Variants in THSD7A observed in about 807,000 individuals in gnomAD.
The protein encoded by THSD7A is thrombospondin type 1 domain containing 7A, also known as thrombospondin type-1 domain-containing protein 7A.
Under a neutral mutation model 231.3 loss-of-function variants are expected in THSD7A, and 96 were observed. The observed-to-expected ratio is 0.41, with a 90% confidence interval of 0.35 to 0.49. The LOEUF (loss-of-function observed/expected upper bound fraction) is 0.49, where lower values mean the gene tolerates loss of function less well. Ranked by LOEUF, THSD7A falls within the 20% of genes least tolerant of loss-of-function variation. The pLI is 0.05. For missense variants in THSD7A, 2,290 were observed against 2,070.2 expected, an observed-to-expected ratio of 1.11 and a Z score of -2.06; for synonymous variants, 940 against 743.3, an observed-to-expected ratio of 1.26 and a Z score of -4.30.
At chr7:11,659,107 C>T (rs917526649) in intron 1 of THSD7A, among the ~76,000 whole-genome samples, 4 of 151,670 alleles carry the variant, frequency 2.6e-5, no homozygotes, top group African/African-American at 9.7e-5. Flanking sequence ...CCAGTTATTA[C>T]TCATTTGTCA....
chr7:11,502,959 T>C (rs1319237268), intron 6 of THSD7A, among the ~76,000 whole-genome samples: 1 of 151,976 alleles, frequency 6.6e-6, no homozygotes, highest in East Asian at 1.9e-4. Flanking sequence ...CTAGAAAAAA[T>C]TATTTTAAAA....
intron 15 of THSD7A, among the ~76,000 whole-genome samples, chr7:11,425,927 G>A (rs1189993103): frequency 1.3e-5 from 2 of 151,996 alleles, no homozygotes; most frequent in Non-Finnish European, 2.9e-5. Context: ...GAATAAAGTG[G>A]ACCTGTCTCA....
chr7:11,612,483 A>G (rs939457612), intron 2 of THSD7A, among the ~76,000 whole-genome samples: 1 of 152,244 alleles, frequency 6.6e-6, no homozygotes, highest in African/African-American at 2.4e-5. Flanking sequence ...AATCTGTCAC[A>G]CATGTGACCA....
Position 11,401,965 on chromosome 7 carries a change from T to G in THSD7A, c.4241A>C (p.Asp1414Ala). ...GGAAGACCAGTCCTTCAAATAACAG[T>G]CACCTGTAAAACACATATTTGTAAT... Reference protein sequence around the residue: ...EESCSQPCPGDCYLKDWSSWS... With the variant: ...EESCSQPCPGACYLKDWSSWS... Residue 1414 changes from aspartate to alanine, a missense_variant, in exon 23 of 28, where the codon GAC becomes GCC. Physicochemically the swap from Asp to Ala is moderately radical, Grantham distance 126 (BLOSUM62 -2). Transcript: ENST00000423059. The G allele has an allele frequency of 6.2e-7, 1 of 1,612,342 alleles. No individual in the cohort carries two copies. The highest frequency in any genetic ancestry group is 1.1e-5 in the South Asian group (1 of 90,736).
At chr7:11,516,357 G>T (rs189195279) in intron 6 of THSD7A, among the ~76,000 whole-genome samples, 3 of 152,242 alleles carry the variant, frequency 2.0e-5, no homozygotes, top group Non-Finnish European at 2.9e-5. Flanking sequence ...GCTAATGTCC[G>T]TGTACCCGAG....
At chr7:11,769,153 A>ATATATATATATATATATTT in intron 1 of THSD7A, among the ~76,000 whole-genome samples, 1 of 27,650 alleles carries the variant, frequency 3.6e-5, no homozygotes, top group African/African-American at 1.2e-4. Flanking sequence ...ATATATATAT[A>ATATATATATATATATATTT]TTTTTTTTTT....
At chr7:11,683,453 A>G (rs1783945729) in intron 1 of THSD7A, among the ~76,000 whole-genome samples, 1 of 152,004 alleles carries the variant, frequency 6.6e-6, no homozygotes, top group Non-Finnish European at 1.5e-5. Flanking sequence ...TTTTCTGAAA[A>G]GATAAACAAG....
chr7:11,809,574 A>T (rs1784477440), intron 1 of THSD7A, among the ~76,000 whole-genome samples: 1 of 152,118 alleles, frequency 6.6e-6, no homozygotes, highest in Admixed American at 6.5e-5. Context: ...GAATGTATGA[A>T]ATTTTATTTT....
At chr7:11,807,432 G>A (rs901554219) in intron 1 of THSD7A, among the ~76,000 whole-genome samples, 11 of 152,042 alleles carry the variant, frequency 7.2e-5, no homozygotes, top group Admixed American at 7.2e-4. Flanking sequence ...AATTATTTTT[G>A]TAGTATTAAT....
chr7:11,660,097 T>C (rs1247894879), intron 1 of THSD7A, among the ~76,000 whole-genome samples: 1 of 151,590 alleles, frequency 6.6e-6, no homozygotes, highest in African/African-American at 2.4e-5. Context: ...TGGAAACACA[T>C]ATGCTTCTAG....
intron 4 of THSD7A, among the ~76,000 whole-genome samples, chr7:11,563,197 T>TAA (rs11392778): frequency 6.6e-6 from 1 of 151,408 alleles, no homozygotes; most frequent in African/African-American, 2.4e-5. Context: ...CCATCATACT[T>TAA]AAAAAAAATT....
chr7:11,591,156 A>AT (rs59544271), intron 3 of THSD7A, among the ~76,000 whole-genome samples: 107,110 of 142,676 alleles, frequency 0.75, 40,311 homozygotes, highest in East Asian at 0.96. Context: ...CAAGAATAAG[A>AT]TTTTTTTTTT....
intron 13 of THSD7A, among the ~76,000 whole-genome samples, chr7:11,430,503 C>T (rs1784447101): frequency 6.6e-6 from 1 of 152,094 alleles, no homozygotes; most frequent in African/African-American, 2.4e-5. Context: ...CTCTGTCACC[C>T]AGGCTGGAGT....
chr7:11,661,006 A>G (rs1782909784), intron 1 of THSD7A, among the ~76,000 whole-genome samples: 3 of 151,540 alleles, frequency 2.0e-5, no homozygotes, highest in Non-Finnish European at 4.4e-5. Context: ...GTATTTCCCA[A>G]TTATTAAACT....
chr7:11,667,097 T>G (rs1783166244), intron 1 of THSD7A, among the ~76,000 whole-genome samples: 1 of 152,096 alleles, frequency 6.6e-6, no homozygotes, highest in African/African-American at 2.4e-5. Context: ...AGGTGGTTTT[T>G]GATTACATGG....
rs528999620 is a variant in THSD7A, at chr7:11,749,821, G to A, written c.190+81936C>T. The stretch of plus-strand genomic sequence containing the variant: ...TGGTTGATCTCCTAGCCATTCAACG[G>A]CGCTTCAAGGGCCTCTAGGTGAGAC... On this transcript the variant is annotated intron_variant, in intron 1 of 27. Coordinates refer to ENST00000423059, the MANE Select transcript of THSD7A (RefSeq NM_015204.3). Among the ~76,000 whole-genome samples the A allele has an allele frequency of 3.2e-4, 48 of 152,028 alleles. No homozygotes were observed. The South Asian group carries it at 9.8e-3, about 31-fold the overall frequency.
chr7:11,694,976 G>A (rs966942817), intron 1 of THSD7A, among the ~76,000 whole-genome samples: 3 of 151,460 alleles, frequency 2.0e-5, no homozygotes, highest in Non-Finnish European at 3.0e-5. Flanking sequence ...CTACATGGCA[G>A]AATTCTTACC....
intron 1 of THSD7A, among the ~76,000 whole-genome samples, chr7:11,655,506 A>G (rs1782670128): frequency 6.6e-6 from 1 of 151,608 alleles, no homozygotes; most frequent in Admixed American, 6.6e-5. Context: ...CAAACTAAAT[A>G]CTCTTGTTTT....
intron 11 of THSD7A, among the ~76,000 whole-genome samples, chr7:11,449,845 G>T (rs1261296641): frequency 6.6e-6 from 1 of 151,900 alleles, no homozygotes; most frequent in Non-Finnish European, 1.5e-5. Context: ...TAAAGAGAAA[G>T]ATATTAAACT....
Sources: gnomAD v4.1 joint callset for allele counts (sites outside exome capture counted in the v4.1 genomes callset) on GRCh38, gnomAD v4.1.1 for gene constraint, MANE v1.5 for transcripts, NCBI Gene and HGNC (gene_info 2026-07-23, HGNC 2026-07-21) for gene names.